Variants in GOLIM4 observed in about 807,000 individuals in gnomAD.
GOLIM4 encodes golgi integral membrane protein 4, also known as 130 kDa golgi-localized phosphoprotein.
Under a neutral mutation model 107.4 loss-of-function variants are expected in GOLIM4, and 71 were observed. The observed-to-expected ratio is 0.66, with a 90% CI of 0.55 to 0.81. The LOEUF is 0.81. GOLIM4 is among the 30% of genes least tolerant of loss of function. The pLI, the probability that GOLIM4 is intolerant of heterozygous loss-of-function variation, is 0.00. For synonymous variants in GOLIM4, 327 were observed against 294.8 expected (o/e 1.11, Z -1.12); for missense variants, 830 against 826.1 (o/e 1.00, Z -0.06).
intron 1 of GOLIM4, among the ~76,000 whole-genome samples, chr3:168,088,270 G>GA (rs1315603019): frequency 6.6e-6 from 1 of 152,142 alleles, no homozygotes; most frequent in Admixed American, 6.5e-5. Context: ...GGCACATAGT[G>GA]AAAGGAGCCA....
intron 1 of GOLIM4, among the ~76,000 whole-genome samples, chr3:168,077,971 A>ATATT (rs1175431434): frequency 6.4e-4 from 98 of 151,978 alleles, no homozygotes; most frequent in South Asian, 3.1e-3. Context: ...TACTCTAGAT[A>ATATT]TATTTATTTA....
intron 1 of GOLIM4, among the ~76,000 whole-genome samples, chr3:168,056,316 T>C (rs1287862036): frequency 1.3e-5 from 2 of 152,184 alleles, no homozygotes; most frequent in African/African-American, 4.8e-5. Flanking sequence ...AGAAGATGTA[T>C]GGAAATGCCT....
At chr3:168,062,412 T>A (rs987561039) in intron 1 of GOLIM4, among the ~76,000 whole-genome samples, 18 of 152,024 alleles carry the variant, frequency 1.2e-4, no homozygotes, top group African/African-American at 4.3e-4. Flanking sequence ...TTTTTTTTTT[T>A]TTAGTGGAAA....
At chr3:168,048,019 AATT>A (rs1719410143) in intron 2 of GOLIM4, among the ~76,000 whole-genome samples, 1 of 152,066 alleles carries the variant, frequency 6.6e-6, no homozygotes, top group Non-Finnish European at 1.5e-5. Context: ...GCAGATGAAA[AATT>A]ATATGTTATT....
At chr3:168,069,018 G>A (rs1374505084) in intron 1 of GOLIM4, among the ~76,000 whole-genome samples, 1 of 151,828 alleles carries the variant, frequency 6.6e-6, no homozygotes, top group Non-Finnish European at 1.5e-5. Flanking sequence ...TGTATTATTA[G>A]TAGAGATGGG....
chr3:168,025,987 G>A (rs956675721), intron 12 of GOLIM4, among the ~76,000 whole-genome samples: 1 of 152,148 alleles, frequency 6.6e-6, no homozygotes, highest in Non-Finnish European at 1.5e-5. Context: ...GTCATCAATA[G>A]GACACTTACT....
chr3:168,085,780 C>G (rs1324925163), intron 1 of GOLIM4, among the ~76,000 whole-genome samples: 3 of 152,182 alleles, frequency 2.0e-5, no homozygotes, highest in Admixed American at 6.5e-5. Context: ...CAACAGACTT[C>G]AAATTCCTAT....
chr3:168,082,124 C>T (rs1721400342), intron 1 of GOLIM4, among the ~76,000 whole-genome samples: 1 of 152,148 alleles, frequency 6.6e-6, no homozygotes, highest in South Asian at 2.1e-4. Flanking sequence ...TTTTGAGGAA[C>T]TGATTAACGC....
intron 8 of GOLIM4, among the ~76,000 whole-genome samples, chr3:168,034,929 T>C (rs1718561339): frequency 6.6e-6 from 1 of 151,986 alleles, no homozygotes; most frequent in South Asian, 2.1e-4. Flanking sequence ...TGTGGAATTG[T>C]AAGTCCAATT....
chr3:168,016,269 CA>C (rs1476370959), intron 14 of GOLIM4, among the ~76,000 whole-genome samples: 1 of 135,018 alleles, frequency 7.4e-6, no homozygotes, highest in Non-Finnish European at 1.5e-5. Flanking sequence ...GACATTTATG[CA>C]GACAAAAAAC....
chr3:168,052,143 T>C (rs1719683246), intron 1 of GOLIM4, among the ~76,000 whole-genome samples: 1 of 152,154 alleles, frequency 6.6e-6, no homozygotes. Flanking sequence ...TAATAATAGA[T>C]GTATCTCTTT....
intron 1 of GOLIM4, among the ~76,000 whole-genome samples, chr3:168,061,921 T>C (rs1720296378): frequency 6.6e-6 from 1 of 152,204 alleles, no homozygotes; most frequent in Non-Finnish European, 1.5e-5. Flanking sequence ...CACTGTTTGC[T>C]TTGTGAAAAT....
chr3:168,086,861 ATTTC>A (rs1248035060), intron 1 of GOLIM4, among the ~76,000 whole-genome samples: 2 of 152,192 alleles, frequency 1.3e-5, no homozygotes, highest in Admixed American at 1.3e-4. Context: ...AGCAATGCCC[ATTTC>A]TTCTCACAGA....
chr3:168,043,527 G>C lies in GOLIM4; in HGVS notation c.369C>G (p.Ser123Arg), dbSNP rs764888152. ...GCTGTTTCTTTAGCTCCTCGTGTTG[G>C]CTCTGCAAAGATGAAAACTTGAGTA... ...ALNVQHQMLK[S>R]QHEELKKQHS... is the part of the protein sequence containing the mutation. Residue 123 changes from serine (S) to arginine (R), a missense_variant and splice_region_variant, in exon 5 of 16, where the codon AGC (serine) becomes AGG (arginine). Transcript: ENST00000470487. 1.8e-5 allele frequency: 29 copies of C among 1,599,020 alleles called. No individual in the cohort carries two copies. The highest frequency in any genetic ancestry group is 2.3e-5 in the Non-Finnish European group (27 of 1,175,786).
In GOLIM4 at chr3:168,029,246, T is replaced by C; in HGVS notation, c.1490A>G (p.Gln497Arg). Residue 497 changes from glutamine to arginine, a missense_variant, in exon 11 of 16, where the codon CAG becomes CGG. Transcript: ENST00000470487. ...DNDIVQGAED[Q>R]GIQGEEGAYE... ...ACCTCCTTCCTCTCCTTGGATTCCC[T>C]GGTCCTCTGCTCCCTGAACGATATC... 1 of 1,609,556 alleles carries C rather than the reference T, an allele frequency of 6.2e-7. No individual in the cohort carries two copies.
rs113297780 is a variant in GOLIM4 at position 168,061,951 on chromosome 3, T to C, written c.188-13586A>G. On this transcript the variant is annotated intron_variant, in intron 1 of 15. Transcript: ENST00000470487. ...GAAAATTCATTGAGCTGTTTACTTA[T>C]GATTCGTGTACTTTTGTGAATGTAT... Among the ~76,000 whole-genome samples, 6 of 152,344 alleles carry C rather than the reference T, an allele frequency of 3.9e-5. 1 individual carries two copies. Among genetic ancestry groups the C allele is most frequent in the African/African-American group, 1.4e-4 (6 of 41,582 alleles).
chr3:168,015,127 A>T lies in GOLIM4; in HGVS notation c.1861-4304T>A, dbSNP rs1451389256. Among the ~76,000 whole-genome samples the T allele has an allele frequency of 1.1e-4, 16 of 149,898 alleles. No individual in the cohort carries two copies. In the East Asian group the frequency reaches 2.1e-3, roughly 20 times the overall value. ...CCCTGTTTGCAGACGACATGATTGT[A>T]TATCTAGAAAACCCCACTGTCTCAG... is the stretch of plus-strand genomic sequence containing the variant. On this transcript the variant is annotated intron_variant, in intron 14 of 15. Coordinates refer to ENST00000470487, the MANE Select transcript of GOLIM4 (RefSeq NM_014498.5).
chr3:168,095,009 T>C, intron 1 of GOLIM4, 90 bp downstream of exon 1: 2 of 973,642 alleles, frequency 2.1e-6, no homozygotes, highest in Middle Eastern at 3.1e-4. Context: ...GCAACCACAG[T>C]GCCAATAGCT....
In GOLIM4 at chr3:168,043,548, G is replaced by T; in HGVS notation, c.367-19C>A. On this transcript the variant is annotated intron_variant, in intron 4 of 15. Transcript: ENST00000470487. ...GTTGGCTCTGCAAAGATGAAAACTT[G>T]AGTAGAAATATACATTCTCTGAATT... 1 of 1,585,124 alleles carries T rather than the reference G, an allele frequency of 6.3e-7. No individual in the cohort carries two copies. Among genetic ancestry groups the T allele is most frequent in the South Asian group, 1.2e-5 (1 of 85,318 alleles).
Sources: allele counts gnomAD v4.1 joint callset (sites outside exome capture counted in the v4.1 genomes callset), GRCh38; gene constraint gnomAD v4.1.1; transcripts MANE v1.5; gene names NCBI Gene and HGNC (gene_info 2026-07-23, HGNC 2026-07-21).